DIXDC1: variants seen among roughly 807,000 people sequenced by gnomAD.
DIXDC1 encodes the protein dixin.
A neutral mutation model predicts 103.1 loss-of-function variants in DIXDC1; 64 were observed. The ratio of observed to expected loss-of-function variants is 0.62; its 90% CI spans 0.51 to 0.76. DIXDC1 has a LOEUF of 0.76. Among genes scored for constraint, DIXDC1 ranks in the 30% least tolerant of loss-of-function variants. The pLI is 0.00. For synonymous variants in DIXDC1, 266 were observed against 298.5 expected, an observed-to-expected ratio of 0.89 and a Z score of 1.12; for missense variants, 759 against 834.2, an observed-to-expected ratio of 0.91 and a Z score of 1.11.
chr11:111,999,828 G>A (rs1555175808), intron 17 of DIXDC1, among the ~76,000 whole-genome samples: 1 of 151,752 alleles, frequency 6.6e-6, no homozygotes, highest in East Asian at 1.9e-4. Flanking sequence ...CAGCCTGGGT[G>A]ATAGAGTGAA....
chr11:111,992,344 T>C, intron 10 of DIXDC1, 71 bp from the exon 11 acceptor site: 1 of 1,333,168 alleles, frequency 7.5e-7, no homozygotes, highest in South Asian at 1.3e-5. Context: ...TTAAAGGCTT[T>C]AGTAATTTGT....
chr11:111,993,082 T>C, intron 12 of DIXDC1, 78 bp downstream of exon 12: 4 of 1,443,984 alleles, frequency 2.8e-6, no homozygotes, highest in Non-Finnish European at 3.7e-6. Context: ...CAAAAAGCAC[T>C]TAAGTATTCT....
chr11:111,990,016 T>C (rs1477822965), intron 10 of DIXDC1, among the ~76,000 whole-genome samples: 2 of 151,430 alleles, frequency 1.3e-5, no homozygotes, highest in Admixed American at 6.6e-5. Context: ...GGTCTCCATC[T>C]CCTGACCTTG....
At chr11:111,962,303 G>C (rs1463837150) in intron 1 of DIXDC1, among the ~76,000 whole-genome samples, 1 of 152,142 alleles carries the variant, frequency 6.6e-6, no homozygotes, top group Non-Finnish European at 1.5e-5. Context: ...CCAATATGGT[G>C]AAACCCCATC....
chr11:112,008,720 G>A (rs1288790313), intron 17 of DIXDC1, among the ~76,000 whole-genome samples: 5 of 152,110 alleles, frequency 3.3e-5, no homozygotes, highest in Non-Finnish European at 1.5e-5. Context: ...GCTAAATAAC[G>A]AAATGAAGGG....
intron 2 of DIXDC1, among the ~76,000 whole-genome samples, chr11:111,965,859 A>G (rs979969189): frequency 6.6e-6 from 1 of 152,230 alleles, no homozygotes; most frequent in Non-Finnish European, 1.5e-5. Context: ...GCAACTTTAC[A>G]AAGTCACATA....
chr11:111,968,678 T>C (rs1555171809), intron 3 of DIXDC1, 40 bp downstream of exon 3: 3 of 1,589,632 alleles, frequency 1.9e-6, no homozygotes. Flanking sequence ...GAGTATACTT[T>C]AACCAGTGAG....
chr11:111,927,756 C>CCTGTA (rs1555167187), intron 1 of DIXDC1, among the ~76,000 whole-genome samples: 1 of 152,076 alleles, frequency 6.6e-6, no homozygotes, highest in Non-Finnish European at 1.5e-5. Flanking sequence ...GTGGCTCACG[C>CCTGTA]CTGTAATCCC....
chr11:111,930,912 G>A (rs1412100290), intron 2 of DIXDC1, among the ~76,000 whole-genome samples: 1 of 140,152 alleles, frequency 7.1e-6, no homozygotes, highest in Non-Finnish European at 1.5e-5. Flanking sequence ...GGAGTTCAGT[G>A]GCACCATCTT....
chr11:111,970,598 G>T (rs1464927229), intron 3 of DIXDC1, among the ~76,000 whole-genome samples: 2 of 151,468 alleles, frequency 1.3e-5, no homozygotes, highest in East Asian at 3.9e-4. Flanking sequence ...GGAGGCCGAG[G>T]TTCCAGTGAG....
At position 111,998,046 on chromosome 11, in the gene DIXDC1, GTTC is replaced by G. The variant is rs1242231997; in HGVS notation, c.1756+1906_1756+1908del. On this transcript the variant is annotated intron_variant, in intron 17 of 19. Transcript: ENST00000440460. This position sits in a 1 kb window ranked among gnomAD's most constrained non-coding sequence, Gnocchi z 4.1. The stretch of plus-strand genomic sequence containing the variant: ...TCTTTTATCTGTTACTTTGCTTAGT[GTTC>G]TTCTTGTTGGGTCTCTGTTGACTTT... Among the ~76,000 whole-genome samples the G allele has an allele frequency of 2.0e-5, 3 of 152,164 alleles. No individual in the cohort carries two copies. The highest frequency in any genetic ancestry group is 2.9e-5 in the Non-Finnish European group (2 of 68,032).
intron 1 of DIXDC1, among the ~76,000 whole-genome samples, chr11:111,938,744 C>T (rs1966307099): frequency 6.6e-6 from 1 of 152,140 alleles, no homozygotes; most frequent in Admixed American, 6.5e-5. Context: ...CTGGTCTGGC[C>T]CCCGTGCCCT....
Position 112,019,227 on chromosome 11 carries a change from C to G in DIXDC1, c.*191C>G, listed in dbSNP as rs587676609. On this transcript the variant is annotated 3_prime_UTR_variant, in exon 20 of 20. Transcript: ENST00000440460. ...GCATATCTGGTACTTAAAATTCTGTCCAAATGTAGACCATGGGTTCATCTG... is the reference window on the plus strand; with the variant it reads ...GCATATCTGGTACTTAAAATTCTGTGCAAATGTAGACCATGGGTTCATCTG... The G allele has an allele frequency of 4.1e-6, 2 of 484,618 alleles. No individual in the cohort carries two copies. Among genetic ancestry groups the G allele is most frequent in the African/African-American group, 1.9e-5 (1 of 52,002 alleles). The allele number at this position is 484,618 out of a possible 1,614,324, so 30.0% of individuals were successfully genotyped here. A position where few individuals can be genotyped will look rare whatever the true frequency, so the allele number is the denominator to read the frequency against.
chr11:111,951,542 GAATATC>G (rs1398180871), intron 1 of DIXDC1, among the ~76,000 whole-genome samples: 1 of 152,056 alleles, frequency 6.6e-6, no homozygotes, highest in African/African-American at 2.4e-5. Flanking sequence ...TATTATTTAT[GAATATC>G]CATGAGATTT....
At position 111,928,767 on chromosome 11, in the gene DIXDC1, A is replaced by C. The variant is rs1196675093; in HGVS notation, c.-36-1051A>C. Among the ~76,000 whole-genome samples, 5 of 151,636 alleles carry C rather than the reference A, an allele frequency of 3.3e-5. No homozygotes were observed. The East Asian group carries it at 9.8e-4, about 30-fold the overall frequency. ...GCAAAGCGAGACTGCGTCTCAAAAA[A>C]GTGGGAAAAAAAAAAGGTAGAATCA... is the stretch of plus-strand genomic sequence containing the variant. On this transcript the variant is annotated intron_variant, in intron 1 of 5. Coordinates refer to the DIXDC1 transcript ENST00000529225.
Position 111,974,101 on chromosome 11 carries a change from G to C in DIXDC1, c.395G>C (p.Arg132Thr). 6.2e-7 allele frequency: 1 copy of C among 1,613,996 alleles called. No individual in the cohort carries two copies. The highest frequency in any genetic ancestry group is 2.2e-5 in the East Asian group (1 of 44,884). ...GCTCATTTCAAACCTGGCTCCAGCA[G>C]GACGGTGAACCAAGGACGGGACTCC... ...LAAHFKPGSS[R>T]TVNQGRDSRA... The change falls in exon 4 of 20, where the codon AGG becomes ACG. Residue 132 changes from arginine (R) to threonine (T), a missense_variant. Arg to Thr is a moderately conservative substitution (Grantham distance 71). Transcript: ENST00000440460.
At chr11:111,927,577 A>AG (rs113698608) in intron 1 of DIXDC1, among the ~76,000 whole-genome samples, 1,977 of 152,070 alleles carry the variant, frequency 0.013, 43 homozygotes, top group African/African-American at 0.045. Context: ...GAGCTTAGAG[A>AG]GGAGGGGTAA....
intron 1 of DIXDC1, among the ~76,000 whole-genome samples, chr11:111,941,118 C>A (rs144077550): frequency 0.019 from 2,852 of 152,220 alleles, 42 homozygotes; most frequent in Non-Finnish European, 0.029. Flanking sequence ...AGACCCATCT[C>A]TTAAAAAAAG....
chr11:111,980,894 C>T (rs1180924413), intron 6 of DIXDC1, 45 bp downstream of exon 6: 9 of 1,540,508 alleles, frequency 5.8e-6, no homozygotes, highest in Non-Finnish European at 7.2e-6. Context: ...GAACAGTCAG[C>T]TTGAAGAATT....
Sources: gnomAD v4.1 joint callset for allele counts (sites outside exome capture counted in the v4.1 genomes callset) on GRCh38, gnomAD v4.1.1 for gene constraint, Gnocchi (gnomAD v3.1) non-coding constraint, MANE v1.5 for transcripts, NCBI Gene and HGNC (gene_info 2026-07-23, HGNC 2026-07-21) for gene names.